IPPK: variants seen among roughly 807,000 people sequenced by gnomAD.
IPPK encodes inositol-pentakisphosphate 2-kinase, also known as IPK1 homolog.
A neutral mutation model predicts 64.6 loss-of-function variants in IPPK; 22 were observed. That is an observed-to-expected ratio of 0.34 (90% CI 0.24 to 0.49). The LOEUF is 0.49. Ranked by LOEUF, IPPK falls within the 20% of genes least tolerant of loss-of-function variation. The pLI is 0.99. For synonymous variants in IPPK, 262 were observed against 247.2 expected (o/e 1.06, Z -0.56); for missense variants, 532 against 630.7 (o/e 0.84, Z 1.68).
rs1588322808 is a variant in IPPK at position 92,613,751 on chromosome 9, C to T, written c.*2081G>A. On this transcript the variant is annotated 3_prime_UTR_variant, in exon 13 of 13. Coordinates refer to ENST00000287996, the MANE Select transcript of IPPK (RefSeq NM_022755.6). Reference sequence around the variant, plus strand: ...ATGGCCTAAGACAGCAAAGACAGCACTGTTCCTGGGCTGGGACGCAAGGAA... The same window carrying T: ...ATGGCCTAAGACAGCAAAGACAGCATTGTTCCTGGGCTGGGACGCAAGGAA... The T allele has an allele frequency of 6.4e-6, 1 of 155,044 alleles. No individual in the cohort carries two copies. The highest frequency in any genetic ancestry group is 1.9e-4 in the East Asian group (1 of 5,260). The allele number at this position is 155,044 out of a possible 1,614,324, so 9.6% of individuals were successfully genotyped here.
chr9:92,636,235 G>A (rs1279205808), intron 9 of IPPK, among the ~76,000 whole-genome samples: 2 of 152,162 alleles, frequency 1.3e-5, no homozygotes, highest in African/African-American at 2.4e-5. Context: ...ACTAGGACCC[G>A]GCACGAAAAT....
chr9:92,637,481 G>T (rs983962689), intron 9 of IPPK, among the ~76,000 whole-genome samples: 2 of 152,200 alleles, frequency 1.3e-5, no homozygotes, highest in Non-Finnish European at 2.9e-5. Context: ...GAGATGTCAG[G>T]ACATGTGGCA....
chr9:92,644,731 G>A (rs139952067), intron 6 of IPPK, among the ~76,000 whole-genome samples: 190 of 152,266 alleles, frequency 1.2e-3, no homozygotes, highest in Non-Finnish European at 2.1e-3. Context: ...CAAAATTAGC[G>A]CAGAAAAGTC....
intron 11 of IPPK, among the ~76,000 whole-genome samples, chr9:92,621,477 A>T (rs2131418941): frequency 6.6e-6 from 1 of 151,826 alleles, no homozygotes; most frequent in Admixed American, 6.6e-5. Context: ...CTGATTCTAC[A>T]AAGCATTTAA....
At chr9:92,621,515 T>TTTC (rs1851629146) in intron 11 of IPPK, among the ~76,000 whole-genome samples, 1 of 141,566 alleles carries the variant, frequency 7.1e-6, no homozygotes, top group South Asian at 2.3e-4. Context: ...TCCTTTTTTT[T>TTTC]TTTTTTTTTT....
At chr9:92,669,824 T>C (rs1852689260) in intron 1 of IPPK, 84 bp downstream of exon 1, 1 of 1,033,566 alleles carries the variant, frequency 9.7e-7, no homozygotes, top group African/African-American at 1.6e-5. Flanking sequence ...GAACCGACCC[T>C]GTTGAGGAAA....
At position 92,613,275 on chromosome 9, in the gene IPPK, T is replaced by C; in HGVS notation, c.*2557A>G. 1 of 1,043,628 alleles carries C rather than the reference T, an allele frequency of 9.6e-7. No homozygotes were observed. Among genetic ancestry groups the C allele is most frequent in the Non-Finnish European group, 1.4e-6 (1 of 705,834 alleles). 64.6% of individuals were successfully genotyped at this position (1,043,628 alleles called of 1,614,324 possible). A position where few individuals can be genotyped will look rare whatever the true frequency, so the allele number is the denominator to read the frequency against. On this transcript the variant is annotated 3_prime_UTR_variant, in exon 13 of 13. Transcript: ENST00000287996. ...TGAAGACGTGCTGTCTATGCAGTTA[T>C]GGCACATTATATGGAAACTCTCATG...
intron 8 of IPPK, among the ~76,000 whole-genome samples, chr9:92,638,810 G>A (rs1851993751): frequency 6.6e-6 from 1 of 152,220 alleles, no homozygotes; most frequent in African/African-American, 2.4e-5. Context: ...CACCAGTATG[G>A]TCCATGCTCA....
At chr9:92,619,857 A>C in intron 11 of IPPK, 2 of 450,348 alleles carry the variant, frequency 4.4e-6, no homozygotes, top group Non-Finnish European at 8.2e-6. Flanking sequence ...ATCTGTCTTC[A>C]GCAAGGTCAC....
intron 4 of IPPK, among the ~76,000 whole-genome samples, chr9:92,651,543 T>TCC (rs2131452596): frequency 6.6e-6 from 1 of 152,272 alleles, no homozygotes; most frequent in South Asian, 2.1e-4. Context: ...TGGGGACAGC[T>TCC]CCCTGGGCTG....
Position 92,662,040 on chromosome 9 carries a change from A to G in IPPK, c.82-3359T>C, listed in dbSNP as rs941999768. On this transcript the variant is annotated intron_variant, in intron 1 of 12. Transcript: ENST00000287996. ...CCCATGGCTGGGGAAGAGGGGGTCA[A>G]CACAGCCACCTGGGGGACTTCACAT... Among the ~76,000 whole-genome samples the G allele has an allele frequency of 2.6e-4, 39 of 152,210 alleles. 1 individual carries two copies. The highest frequency in any genetic ancestry group is 6.5e-5 in the Admixed American group (1 of 15,284).
Position 92,619,477 on chromosome 9 carries a change from G to A in IPPK, c.1250+9C>T. The A allele has an allele frequency of 6.3e-7, 1 of 1,578,926 alleles. No homozygotes were observed. Among genetic ancestry groups the A allele is most frequent in the South Asian group, 1.2e-5 (1 of 85,926 alleles). ...ACCCAGGCTGCATGCCTTGCAGTGG[G>A]GGCCTCACCTGGCATCCTGCAGACA... On this transcript the variant is annotated intron_variant, in intron 12 of 12. Transcript: ENST00000287996.
At chr9:92,629,044 C>T (rs1383141571) in intron 11 of IPPK, among the ~76,000 whole-genome samples, 2 of 152,082 alleles carry the variant, frequency 1.3e-5, no homozygotes, top group African/African-American at 4.8e-5. Context: ...GCTACGAACA[C>T]ACCACTGCAC....
rs1293861755 is a variant in IPPK at position 92,652,586 on chromosome 9, T to C, written c.279A>G (p.Gln93=). 6.4e-7 allele frequency: 1 copy of C among 1,559,480 alleles called. No individual in the cohort carries two copies. Among genetic ancestry groups the C allele is most frequent in the Non-Finnish European group, 8.8e-7 (1 of 1,140,164 alleles). Residue 93 remains glutamine, a synonymous_variant, in exon 4 of 13, where the codon CAA becomes CAG. Transcript: ENST00000287996. ...EFVKQLCLKI[Q]SERPESRCDK... The stretch of plus-strand genomic sequence containing the variant: ...AAACACCCTTACCTGGTCTTTCAGA[T>C]TGTATCTTTAAACAAAGCTGTTTCA...
chr9:92,620,643 G>A lies in IPPK; in HGVS notation c.1171-1078C>T, dbSNP rs746742693. 10 of 152,156 alleles carry A rather than the reference G, an allele frequency of 6.6e-5. 1 individual carries two copies. The East Asian group carries it at 7.7e-4, about 12-fold the overall frequency. The allele number at this position is 152,156 out of a possible 1,614,324, so 9.4% of individuals were successfully genotyped here. The stretch of plus-strand genomic sequence containing the variant: ...TTGCATATAACCTGGAGGATCTGGC[G>A]TTCGAAAACATCCAAGCTGCACTTT... On this transcript the variant is annotated intron_variant, in intron 11 of 12. Coordinates refer to ENST00000287996, the MANE Select transcript of IPPK (RefSeq NM_022755.6).
At chr9:92,661,980 T>A (rs572072421) in intron 1 of IPPK, among the ~76,000 whole-genome samples, 1 of 152,300 alleles carries the variant, frequency 6.6e-6, no homozygotes, top group South Asian at 2.1e-4. Flanking sequence ...GTAGCAGCTC[T>A]CATTAGCAGA....
chr9:92,626,251 G>C lies in IPPK; in HGVS notation c.1171-6686C>G, dbSNP rs536554994. On this transcript the variant is annotated intron_variant, in intron 11 of 12. Transcript: ENST00000287996. Reference sequence around the variant, plus strand: ...TCTCTACTAAAAATACAAAAAATTAGCTGGGCGTGGTGGCAGGCGCCTGTA... The same window carrying C: ...TCTCTACTAAAAATACAAAAAATTACCTGGGCGTGGTGGCAGGCGCCTGTA... Among the ~76,000 whole-genome samples the C allele has an allele frequency of 4.6e-5, 7 of 152,216 alleles. No individual in the cohort carries two copies. The South Asian group carries it at 1.5e-3, about 32-fold the overall frequency.
rs1851916549 is a variant in IPPK at position 92,635,192 on chromosome 9, C to T, written c.1033G>A (p.Val345Ile). Reference protein sequence around the residue: ...IEGLYPLYNRVERYLEEFPEE... With the variant: ...IEGLYPLYNRIERYLEEFPEE... ...GGAAACTCTTCCAGGTATCGCTCAA[C>T]CCGGTTGTACAGAGGGTAGAGGCCT... is the stretch of plus-strand genomic sequence containing the variant. The change falls in exon 10 of 13, where the codon GTT (valine) becomes ATT (isoleucine). Residue 345 changes from valine (V) to isoleucine (I), a missense_variant. Val to Ile is a conservative substitution (Grantham distance 29). Coordinates refer to ENST00000287996, the MANE Select transcript of IPPK (RefSeq NM_022755.6). The surrounding 1 kb of genome is among the most constrained non-coding windows in gnomAD (Gnocchi z 4.4). 1.2e-6 allele frequency: 2 copies of T among 1,613,778 alleles called. No individual in the cohort carries two copies. The highest frequency in any genetic ancestry group is 1.3e-5 in the African/African-American group (1 of 74,910).
Position 92,638,187 on chromosome 9 carries a change from A to G in IPPK, c.730T>C (p.Ser244Pro). Residue 244 changes from serine to proline, a missense_variant, in exon 9 of 13, where the codon TCC becomes CCC. Transcript: ENST00000287996. ...TGGGGCCCACTGGCCAGGCCGTTGG[A>G]AGGGAAGAAGAACGGCTTCAGGTGG... ...AHHLKPFFFP[S>P]NGLASGPHCT... 6.2e-7 allele frequency: 1 copy of G among 1,614,224 alleles called. No individual in the cohort carries two copies.
Sources: gnomAD v4.1 joint callset for allele counts (sites outside exome capture counted in the v4.1 genomes callset) on GRCh38, gnomAD v4.1.1 for gene constraint, Gnocchi (gnomAD v3.1) non-coding constraint, MANE v1.5 for transcripts, NCBI Gene and HGNC (gene_info 2026-07-23, HGNC 2026-07-21) for gene names.